The following SPAG16 variants were observed in gnomAD, a reference collection of about 807,000 sequenced individuals.
SPAG16 encodes the protein sperm-associated antigen 16 protein.
In SPAG16, 86 loss-of-function variants were observed where a neutral mutation model predicts 80.4. The ratio of observed to expected loss-of-function variants is 1.07; its 90% CI spans 0.90 to 1.28. SPAG16 has a LOEUF of 1.28. SPAG16 is among the 50% of genes most tolerant of loss of function. The pLI is 0.00. For synonymous variants in SPAG16, 294 were observed against 265.9 expected, an observed-to-expected ratio of 1.11 and a Z score of -1.03; for missense variants, 870 against 765.3, an observed-to-expected ratio of 1.14 and a Z score of -1.61.
intron 6 of SPAG16, among the ~76,000 whole-genome samples, chr2:213,341,924 C>T (rs192217288): frequency 6.6e-6 from 1 of 152,192 alleles, no homozygotes; most frequent in East Asian, 1.9e-4. Flanking sequence ...AACTTGCAAA[C>T]AGATGAATTA....
intron 11 of SPAG16, among the ~76,000 whole-genome samples, chr2:213,895,126 G>C (rs1194348192): frequency 1.3e-5 from 2 of 151,138 alleles, no homozygotes; most frequent in Non-Finnish European, 2.9e-5. Context: ...TACACTGACA[G>C]TGAAGAATCT....
intron 12 of SPAG16, among the ~76,000 whole-genome samples, chr2:214,001,161 G>A (rs2046771317): frequency 6.6e-6 from 1 of 152,114 alleles, no homozygotes; most frequent in Non-Finnish European, 1.5e-5. Flanking sequence ...TTTGAATTTA[G>A]AGTTTATGAG....
At chr2:214,369,102 A>G (rs538193965) in intron 15 of SPAG16, among the ~76,000 whole-genome samples, 11 of 152,270 alleles carry the variant, frequency 7.2e-5, no homozygotes, top group East Asian at 5.8e-4. Context: ...TTTATAATCC[A>G]TAAATGAGAA....
chr2:214,360,502 A>G (rs1451822116), intron 15 of SPAG16, among the ~76,000 whole-genome samples: 1 of 151,858 alleles, frequency 6.6e-6, no homozygotes, highest in Non-Finnish European at 1.5e-5. Context: ...ATAGTTTACC[A>G]TATTGTTAAG....
intron 15 of SPAG16, among the ~76,000 whole-genome samples, chr2:214,170,356 T>C (rs1275034749): frequency 1.3e-5 from 2 of 151,986 alleles, no homozygotes; most frequent in Non-Finnish European, 1.5e-5. Flanking sequence ...GCTGCAATTC[T>C]ACCTAGTGTC....
chr2:213,316,358 A>G (rs754175021), intron 4 of SPAG16, among the ~76,000 whole-genome samples: 3 of 152,006 alleles, frequency 2.0e-5, no homozygotes, highest in Non-Finnish European at 4.4e-5. Flanking sequence ...CATAATCTCC[A>G]CTGCTACCAA....
At chr2:213,792,576 CTTTTTTTTTTT>C (rs11372174) in intron 10 of SPAG16, among the ~76,000 whole-genome samples, 2 of 78,258 alleles carry the variant, frequency 2.6e-5, no homozygotes, top group African/African-American at 4.9e-5. Context: ...AAATGAGTAT[CTTTTTTTTTTT>C]TTTTTTTTTT....
intron 15 of SPAG16, among the ~76,000 whole-genome samples, chr2:214,271,277 T>A (rs1475878633): frequency 1.3e-5 from 2 of 152,218 alleles, no homozygotes; most frequent in Non-Finnish European, 2.9e-5. Flanking sequence ...TTTTTAGCTT[T>A]GTTTTTATTC....
chr2:214,037,864 G>GGT (rs35564156), intron 13 of SPAG16, among the ~76,000 whole-genome samples: 15,963 of 132,942 alleles, frequency 0.12, 1,002 homozygotes, highest in South Asian at 0.23. Flanking sequence ...CCAGAAGCCT[G>GGT]GTGTGTGTGT....
rs545079669 is a variant in SPAG16 at position 213,694,513 on chromosome 2, C to T, written c.1071-167972C>T. 5.3e-5 allele frequency among the ~76,000 whole-genome samples: 8 copies of T among 152,238 alleles called. No homozygotes were observed. In the South Asian group the frequency reaches 1.7e-3, roughly 32 times the overall value. On this transcript the variant is annotated intron_variant, in intron 10 of 15. Transcript: ENST00000331683. Reference sequence around the variant, plus strand: ...TGGAAATGTGGTATAGCCAAAAAGTCACAATGATCACGTGGATGCTATTCC... The same window carrying T: ...TGGAAATGTGGTATAGCCAAAAAGTTACAATGATCACGTGGATGCTATTCC...
intron 12 of SPAG16, among the ~76,000 whole-genome samples, chr2:214,007,466 G>T (rs1351327842): frequency 2.0e-5 from 3 of 151,866 alleles, no homozygotes; most frequent in Non-Finnish European, 4.4e-5. Context: ...AAAAAGTTTG[G>T]TATACATTCT....
intron 9 of SPAG16, among the ~76,000 whole-genome samples, chr2:213,392,703 C>T (rs2067818170): frequency 6.6e-6 from 1 of 151,852 alleles, no homozygotes; most frequent in Non-Finnish European, 1.5e-5. Flanking sequence ...AAACATTAGC[C>T]AGGCGTGGTG....
intron 15 of SPAG16, among the ~76,000 whole-genome samples, chr2:214,172,714 C>G (rs1316448362): frequency 6.6e-6 from 1 of 152,000 alleles, no homozygotes; most frequent in African/African-American, 2.4e-5. Flanking sequence ...TACAGTCCCA[C>G]CAACAGTGTA....
At chr2:213,432,810 A>G (rs2070386701) in intron 9 of SPAG16, among the ~76,000 whole-genome samples, 1 of 152,154 alleles carries the variant, frequency 6.6e-6, no homozygotes, top group South Asian at 2.1e-4. Flanking sequence ...ATAGAAAAGT[A>G]TAGACAAATA....
At chr2:213,654,745 T>C (rs2063158508) in intron 10 of SPAG16, among the ~76,000 whole-genome samples, 1 of 150,536 alleles carries the variant, frequency 6.6e-6, no homozygotes, top group Non-Finnish European at 1.5e-5. Context: ...GAAGTTTCAA[T>C]GTAAAGGAAA....
At chr2:213,549,342 T>A (rs1431978914) in intron 10 of SPAG16, among the ~76,000 whole-genome samples, 1 of 152,146 alleles carries the variant, frequency 6.6e-6, no homozygotes, top group East Asian at 1.9e-4. Context: ...AAAGTTCAAA[T>A]TTATGAGTTT....
At chr2:213,594,250 A>C (rs2124938988) in intron 10 of SPAG16, among the ~76,000 whole-genome samples, 1 of 152,170 alleles carries the variant, frequency 6.6e-6, no homozygotes, top group East Asian at 1.9e-4. Flanking sequence ...CTTCCTCTTC[A>C]ATCTAACCTT....
chr2:213,870,943 A>C (rs1269085292), intron 11 of SPAG16, among the ~76,000 whole-genome samples: 1 of 152,170 alleles, frequency 6.6e-6, no homozygotes, highest in Non-Finnish European at 1.5e-5. Flanking sequence ...GAATGAGAAA[A>C]TATTTGTTGA....
At chr2:214,330,112 GAAAAA>G (rs5838429) in intron 15 of SPAG16, among the ~76,000 whole-genome samples, 1 of 139,916 alleles carries the variant, frequency 7.1e-6, no homozygotes, top group Non-Finnish European at 1.5e-5. Flanking sequence ...ACCAAAAATA[GAAAAA>G]AAAAAAAAAA....
Sources: allele counts gnomAD v4.1 joint callset (sites outside exome capture counted in the v4.1 genomes callset), GRCh38; gene constraint gnomAD v4.1.1; transcripts MANE v1.5; gene names NCBI Gene and HGNC (gene_info 2026-07-23, HGNC 2026-07-21).